The following FAM186B variants were observed in gnomAD, a reference collection of about 807,000 sequenced individuals.
FAM186B encodes the protein family with sequence similarity 186 member B.
FAM186B carries 68 observed loss-of-function variants against 83.4 expected under a neutral mutation model. The ratio of observed to expected loss-of-function variants is 0.81; its 90% CI spans 0.67 to 1.00. The LOEUF (loss-of-function observed/expected upper bound fraction) is 1.00, where lower values mean the gene tolerates loss of function less well. FAM186B is among the 50% of genes least tolerant of loss of function. FAM186B has a pLI of 0.00. For synonymous variants in FAM186B, 389 were observed against 422.0 expected (o/e 0.92, Z 0.96); for missense variants, 983 against 1,099.2 (o/e 0.89, Z 1.49).
the FAM186B span, among the ~76,000 whole-genome samples, chr12:49,615,852 TA>T: frequency 3.9e-5 from 6 of 152,022 alleles, no homozygotes; most frequent in Non-Finnish European, 7.4e-5. Flanking sequence ...ATTCTCAACT[TA>T]TTAGTCATTG....
chr12:49,599,836 G>A lies in FAM186B; in HGVS notation c.1804C>T (p.Gln602Ter), dbSNP rs1040157548. ...PHLPMSPSTQ[Q>*]PALGKQRPMS... is the part of the protein sequence containing the mutation. The stretch of plus-strand genomic sequence containing the variant: ...GGTCTCTGCTTTCCCAGGGCAGGCT[G>A]CTGGGTACTAGGAGACATGGGCAAG... The change falls in exon 4 of 7, where the codon CAG becomes TAG. Residue 602 changes from glutamine to a stop codon, truncating the protein, a stop_gained. Coordinates refer to ENST00000257894, the MANE Select transcript of FAM186B (RefSeq NM_032130.3). LOFTEE classifies it high-confidence loss of function. 3.1e-6 allele frequency: 5 copies of A among 1,610,902 alleles called. No individual in the cohort carries two copies. The African/African-American group carries it at 5.3e-5, about 17-fold the overall frequency.
At chr12:49,609,988 A>C (rs574231110), upstream of FAM186B, among the ~76,000 whole-genome samples, 200 of 152,328 alleles carry the variant, frequency 1.3e-3, no homozygotes, top group African/African-American at 4.4e-3. Context: ...GCTCTTACTT[A>C]TAAGTGCCAT....
chr12:49,605,370 C>A lies in FAM186B; in HGVS notation c.96+12G>T. 6.2e-7 allele frequency: 1 copy of A among 1,609,408 alleles called. No individual in the cohort carries two copies. ...CCCAATGTAAGAGTGATTCCTTCAT[C>A]TCAGGGGCTACCTCTTGAGCCCGAG... On this transcript the variant is annotated intron_variant, in intron 1 of 6. Coordinates refer to ENST00000257894, the MANE Select transcript of FAM186B (RefSeq NM_032130.3).
chr12:49,608,067 A>T (rs1019617793), upstream of FAM186B, among the ~76,000 whole-genome samples: 4 of 152,068 alleles, frequency 2.6e-5, no homozygotes, highest in Admixed American at 2.6e-4. Flanking sequence ...AGTACTACAG[A>T]CTAATATTGC....
chr12:49,599,777 C>T lies in FAM186B; in HGVS notation c.1863G>A (p.Arg621=), dbSNP rs1407220218. Residue 621 remains arginine (R), a synonymous_variant, in exon 4 of 7, where the codon CGG becomes CGA. Coordinates refer to ENST00000257894, the MANE Select transcript of FAM186B (RefSeq NM_032130.3). ...MSSVEFTYRP[R]TRRVPTKPKK... ...TGGGCTTTGTGGGAACTCGGCGGGTCCGTGGTCTGTAGGTAAACTCCACTG... is the reference window on the plus strand; with the variant it reads ...TGGGCTTTGTGGGAACTCGGCGGGTTCGTGGTCTGTAGGTAAACTCCACTG... 6.2e-7 allele frequency: 1 copy of T among 1,613,946 alleles called. No homozygotes were observed. Among genetic ancestry groups the T allele is most frequent in the Non-Finnish European group, 8.5e-7 (1 of 1,179,990 alleles).
At position 49,603,242 on chromosome 12, in the gene FAM186B, C is replaced by T. The variant is rs754389851; in HGVS notation, c.448G>A (p.Glu150Lys). The T allele has an allele frequency of 6.2e-6, 10 of 1,614,076 alleles. No individual in the cohort carries two copies. The highest frequency in any genetic ancestry group is 1.7e-5 in the Admixed American group (1 of 60,010). The change falls in exon 3 of 7, where the codon GAG (glutamate) becomes AAG (lysine). Residue 150 changes from glutamate to lysine, a missense_variant. By Grantham distance (56) the Glu-to-Lys change is moderately conservative (BLOSUM62 1). Transcript: ENST00000257894. ...GTGGAGCAAAGGGCAGTGAGTGACTCGATGCCTCTTTTGGTGGCAATGAGG... is the reference window on the plus strand; with the variant it reads ...GTGGAGCAAAGGGCAGTGAGTGACTTGATGCCTCTTTTGGTGGCAATGAGG... ...LSLIATKRGI[E>K]SLTALCSTLI...
chr12:49,619,353 T>G, the FAM186B span: 2 of 391,236 alleles, frequency 5.1e-6, no homozygotes, highest in Non-Finnish European at 9.1e-6. Context: ...AATACAGATG[T>G]TTCCCTTCAT....
intron 3 of FAM186B, among the ~76,000 whole-genome samples, chr12:49,602,238 T>C (rs929728518): frequency 4.6e-5 from 7 of 152,204 alleles, no homozygotes; most frequent in African/African-American, 1.7e-4. Context: ...CATTCATAAG[T>C]TTATAATCTA....
chr12:49,617,881 T>C, the FAM186B span, among the ~76,000 whole-genome samples: 1 of 152,034 alleles, frequency 6.6e-6, no homozygotes, highest in South Asian at 2.1e-4. Flanking sequence ...GGATGAGAGA[T>C]TACTCACTTA....
At chr12:49,608,752 A>G (rs1565815484), upstream of FAM186B, among the ~76,000 whole-genome samples, 1 of 151,836 alleles carries the variant, frequency 6.6e-6, no homozygotes, top group African/African-American at 2.4e-5. Context: ...AGAGAGGCAG[A>G]CAGGCTCTTT....
chr12:49,587,727 C>A lies in FAM186B; in HGVS notation c.2560G>T (p.Val854Phe), dbSNP rs755179810. 1.2e-6 allele frequency: 2 copies of A among 1,613,790 alleles called. No individual in the cohort carries two copies. The highest frequency in any genetic ancestry group is 3.3e-5 in the Admixed American group (2 of 59,944). ...ARQQGKQMEA[V>F]WKTEVASSSY... ...GAGGAGGCCACCTCGGTCTTCCAGACAGCCTCCATCTGCTTCCCCTGTTGG... is the reference window on the plus strand; with the variant it reads ...GAGGAGGCCACCTCGGTCTTCCAGAAAGCCTCCATCTGCTTCCCCTGTTGG... The change falls in exon 7 of 7, where the codon GTC becomes TTC. Residue 854 changes from valine (V) to phenylalanine (F), a missense_variant. Transcript: ENST00000257894.
the FAM186B span, among the ~76,000 whole-genome samples, chr12:49,618,397 C>T: frequency 1.3e-5 from 2 of 150,304 alleles, no homozygotes; most frequent in Non-Finnish European, 3.0e-5. Context: ...ACCACCTGAA[C>T]AGAGAACAAA....
Position 49,600,613 on chromosome 12 carries a change from C to CCCA in FAM186B, c.1026_1027insTGG (p.Ser342_Glu343insTrp). The stretch of plus-strand genomic sequence containing the variant: ...TCTTTCCTTGGGAGGGTCTCTCTCT[C>CCCA]AGAGGGACCTGGGGAGTCAACAGAA... On this transcript the variant is annotated inframe_insertion, in exon 4 of 7. Coordinates refer to ENST00000257894, the MANE Select transcript of FAM186B (RefSeq NM_032130.3). This position sits in a 1 kb window ranked among gnomAD's most constrained non-coding sequence, Gnocchi z 4.3. 1 of 1,612,760 alleles carries CCCA rather than the reference C, an allele frequency of 6.2e-7. No individual in the cohort carries two copies.
Position 49,600,515 on chromosome 12 carries a change from G to A in FAM186B, c.1125C>T (p.Pro375=). ...EQLFSPLPPS[P]MAMIRDSGAI... is the part of the protein sequence containing the mutation. ...CACCACTGTCCCGTATCATGGCCAT[G>A]GGACTTGGGGGAAGTGGCGAGAACA... is the stretch of plus-strand genomic sequence containing the variant. Residue 375 remains proline (P), a synonymous_variant, in exon 4 of 7, where the codon CCC becomes CCT. Transcript: ENST00000257894. The surrounding 1 kb of genome is among the most constrained non-coding windows in gnomAD (Gnocchi z 4.3). 2 of 1,614,012 alleles carry A rather than the reference G, an allele frequency of 1.2e-6. No homozygotes were observed. Among genetic ancestry groups the A allele is most frequent in the Non-Finnish European group, 1.7e-6 (2 of 1,179,980 alleles).
At chr12:49,590,324 G>A (rs1256682269) in intron 5 of FAM186B, among the ~76,000 whole-genome samples, 1 of 152,068 alleles carries the variant, frequency 6.6e-6, no homozygotes, top group Non-Finnish European at 1.5e-5. Flanking sequence ...TGGCAGAGGA[G>A]AGGAAAAAAT....
In FAM186B at chr12:49,601,272, G is replaced by T. The variant is rs571327805; in HGVS notation, c.506-138C>A. On this transcript the variant is annotated intron_variant, in intron 3 of 6. Coordinates refer to ENST00000257894, the MANE Select transcript of FAM186B (RefSeq NM_032130.3). ...AGTAGGGAGCTGGGGCTGTATATGGGGCCAGGGACAGTGCTGTCAGGACAG... is the reference window on the plus strand; with the variant it reads ...AGTAGGGAGCTGGGGCTGTATATGGTGCCAGGGACAGTGCTGTCAGGACAG... 551 of 1,211,922 alleles carry T rather than the reference G, an allele frequency of 4.5e-4. 2 individuals carry two copies. The highest frequency in any genetic ancestry group is 9.5e-5 in the Non-Finnish European group (86 of 902,936). The allele number at this position is 1,211,922 out of a possible 1,614,324, so 75.1% of individuals were successfully genotyped here.
chr12:49,615,567 G>T, the FAM186B span, among the ~76,000 whole-genome samples: 8 of 152,300 alleles, frequency 5.3e-5, no homozygotes, highest in Non-Finnish European at 2.9e-5. Context: ...GAGGTGGGTG[G>T]ATCATGAGGT....
the FAM186B span, among the ~76,000 whole-genome samples, chr12:49,613,300 G>A: frequency 6.6e-6 from 1 of 152,116 alleles, no homozygotes; most frequent in Non-Finnish European, 1.5e-5. Flanking sequence ...GGCCGAGGTG[G>A]GCAGATCACG....
At chr12:49,587,831 C>T in intron 6 of FAM186B, 79 bp from the exon 7 acceptor site, 1 of 1,485,762 alleles carries the variant, frequency 6.7e-7, no homozygotes, top group Non-Finnish European at 9.1e-7. Flanking sequence ...AGCCATCAGG[C>T]CCAAGTGAGC....
Sources: gnomAD v4.1 joint callset for allele counts (sites outside exome capture counted in the v4.1 genomes callset) on GRCh38, gnomAD v4.1.1 for gene constraint, Gnocchi (gnomAD v3.1) non-coding constraint, MANE v1.5 for transcripts, NCBI Gene and HGNC (gene_info 2026-07-23, HGNC 2026-07-21) for gene names.